Variants in ZNF385D observed in about 807,000 individuals in gnomAD.
The protein encoded by ZNF385D is zinc finger protein 385D.
A neutral mutation model predicts 35.8 loss-of-function variants in ZNF385D; 15 were observed. The observed-to-expected ratio is 0.42, with a 90% CI of 0.28 to 0.64. ZNF385D has a LOEUF of 0.64. ZNF385D is among the 30% of genes least tolerant of loss of function. ZNF385D has a pLI of 0.23. For synonymous variants in ZNF385D, 212 were observed against 186.8 expected, an observed-to-expected ratio of 1.13 and a Z score of -1.10; for missense variants, 474 against 494.6, an observed-to-expected ratio of 0.96 and a Z score of 0.39.
At chr3:22,285,503 T>C (rs1475519049) in intron 2 of ZNF385D, among the ~76,000 whole-genome samples, 1 of 152,120 alleles carries the variant, frequency 6.6e-6, no homozygotes, top group Admixed American at 6.6e-5. Flanking sequence ...TTTTCTATGT[T>C]GTTTTAACTG....
intron 3 of ZNF385D, among the ~76,000 whole-genome samples, chr3:21,838,230 G>A (rs1219507542): frequency 6.6e-6 from 1 of 152,052 alleles, no homozygotes; most frequent in African/African-American, 2.4e-5. Flanking sequence ...AGATTGCCTG[G>A]GGAGACAATG....
chr3:21,790,068 T>C (rs546913805), intron 3 of ZNF385D, among the ~76,000 whole-genome samples: 86 of 152,226 alleles, frequency 5.6e-4, no homozygotes, highest in African/African-American at 1.8e-3. Context: ...ATAGCACATA[T>C]ACTCTACAAG....
At chr3:21,936,839 A>G (rs533348085) in intron 3 of ZNF385D, among the ~76,000 whole-genome samples, 1 of 152,310 alleles carries the variant, frequency 6.6e-6, no homozygotes, top group South Asian at 2.1e-4. Flanking sequence ...AAAAGTCTGT[A>G]AACTTCCTGG....
chr3:21,564,615 T>A lies in ZNF385D; in HGVS notation c.235A>T (p.Ile79Phe). Residue 79 changes from isoleucine to phenylalanine, a missense_variant, in exon 3 of 8, where the codon ATC (isoleucine) becomes TTC (phenylalanine). Ile to Phe is a conservative substitution (Grantham distance 21). Transcript: ENST00000281523. ...GVPLPHRRKQ[I>F]ISCNICQLRF... ...AACTGGCAAATGTTGCATGATATGA[T>A]TTGCTTTCTTCGGTGGGGAAGAGGA... 3.8e-6 allele frequency: 6 copies of A among 1,574,880 alleles called. No individual in the cohort carries two copies. The South Asian group carries it at 7.1e-5, about 19-fold the overall frequency.
At chr3:21,452,317 A>G (rs987943586) in intron 4 of ZNF385D, among the ~76,000 whole-genome samples, 4 of 152,068 alleles carry the variant, frequency 2.6e-5, no homozygotes, top group African/African-American at 7.2e-5. Context: ...TGCCCCATGT[A>G]AAAACTAATG....
intron 1 of ZNF385D, among the ~76,000 whole-genome samples, chr3:21,693,618 G>T (rs1292204943): frequency 6.6e-6 from 1 of 152,092 alleles, no homozygotes; most frequent in Non-Finnish European, 1.5e-5. Context: ...GAGGAATCAT[G>T]CTAAAATTCA....
At chr3:21,557,427 G>C (rs148814296) in intron 3 of ZNF385D, among the ~76,000 whole-genome samples, 154 of 152,172 alleles carry the variant, frequency 1.0e-3, no homozygotes, top group African/African-American at 3.5e-3. Context: ...ATAATCATGT[G>C]GTTTTTGTCA....
At chr3:21,702,090 G>A (rs1256820317) in intron 1 of ZNF385D, among the ~76,000 whole-genome samples, 2 of 152,196 alleles carry the variant, frequency 1.3e-5, no homozygotes, top group Non-Finnish European at 2.9e-5. Context: ...TAAGGACTCT[G>A]TGTGGGGCTC....
At chr3:21,552,198 A>G (rs896334418) in intron 3 of ZNF385D, among the ~76,000 whole-genome samples, 2 of 152,186 alleles carry the variant, frequency 1.3e-5, no homozygotes, top group Non-Finnish European at 2.9e-5. Flanking sequence ...GGGCTTAGAA[A>G]GCCTTTTCTT....
chr3:21,981,418 G>A (rs539521728), intron 3 of ZNF385D, among the ~76,000 whole-genome samples: 1 of 151,976 alleles, frequency 6.6e-6, no homozygotes, highest in African/African-American at 2.4e-5. Flanking sequence ...GAGGCTATTT[G>A]TTTTTCTCTT....
intron 1 of ZNF385D, among the ~76,000 whole-genome samples, chr3:21,692,584 A>G (rs527626619): frequency 6.6e-6 from 1 of 152,290 alleles, no homozygotes; most frequent in Admixed American, 6.5e-5. Flanking sequence ...GTGCCTTCAC[A>G]ATCCAGCGCC....
chr3:21,758,456 T>C (rs1440450613), intron 3 of ZNF385D, among the ~76,000 whole-genome samples: 1 of 152,124 alleles, frequency 6.6e-6, no homozygotes, highest in Non-Finnish European at 1.5e-5. Flanking sequence ...CCCAAGTCTC[T>C]GAAGGAAACC....
At chr3:21,634,986 C>T (rs1292303406) in intron 2 of ZNF385D, among the ~76,000 whole-genome samples, 1 of 152,050 alleles carries the variant, frequency 6.6e-6, no homozygotes, top group South Asian at 2.1e-4. Context: ...ACCGTGATTT[C>T]CTGCTTCAAG....
chr3:21,959,269 C>T (rs1231823812), intron 3 of ZNF385D, among the ~76,000 whole-genome samples: 6 of 152,054 alleles, frequency 3.9e-5, no homozygotes, highest in Non-Finnish European at 5.9e-5. Context: ...GAAAAACACA[C>T]TTCAAATAAT....
upstream of ZNF385D, among the ~76,000 whole-genome samples, chr3:21,754,163 T>C (rs952620056): frequency 1.3e-5 from 2 of 152,192 alleles, no homozygotes; most frequent in African/African-American, 2.4e-5. Flanking sequence ...CTTCAACATA[T>C]TATTTTTTTT....
chr3:22,045,175 T>G (rs1055371432), intron 3 of ZNF385D, among the ~76,000 whole-genome samples: 2 of 152,098 alleles, frequency 1.3e-5, no homozygotes, highest in Admixed American at 1.3e-4. Context: ...AAAAAAATAA[T>G]TGCCCAAACC....
chr3:21,495,976 C>A (rs1262562230), intron 4 of ZNF385D, among the ~76,000 whole-genome samples: 1 of 151,940 alleles, frequency 6.6e-6, no homozygotes, highest in Non-Finnish European at 1.5e-5. Flanking sequence ...TGGAAACATA[C>A]AATCTTCCAA....
intron 3 of ZNF385D, among the ~76,000 whole-genome samples, chr3:22,160,416 T>C (rs1313446303): frequency 6.6e-6 from 1 of 152,068 alleles, no homozygotes; most frequent in African/African-American, 2.4e-5. Context: ...ATATAAATGA[T>C]AAATATATAC....
At chr3:21,608,023 G>GTTTTTTTTTTGTTTTTTTTT (rs2064545249) in intron 2 of ZNF385D, among the ~76,000 whole-genome samples, 25 of 120,216 alleles carry the variant, frequency 2.1e-4, no homozygotes, top group Non-Finnish European at 3.2e-4. Context: ...TTTTTTTTTT[G>GTTTTTTTTTTGTTTTTTTTT]TTTTTTTTTT....
Sources: gnomAD v4.1 joint callset for allele counts (sites outside exome capture counted in the v4.1 genomes callset) on GRCh38, gnomAD v4.1.1 for gene constraint, MANE v1.5 for transcripts, NCBI Gene and HGNC (gene_info 2026-07-23, HGNC 2026-07-21) for gene names.